Variants in HDAC9 observed in about 807,000 individuals in gnomAD.
HDAC9 encodes histone deacetylase 9.
In HDAC9, 41 loss-of-function variants were observed where a neutral mutation model predicts 139.4. That is an observed-to-expected ratio of 0.29 (90% CI 0.23 to 0.38). The LOEUF (loss-of-function observed/expected upper bound fraction) is 0.38, where lower values mean the gene tolerates loss of function less well. Among genes scored for constraint, HDAC9 ranks in the 10% least tolerant of loss-of-function variants. HDAC9 has a pLI of 1.00. For missense variants in HDAC9, 1,147 were observed against 1,297.0 expected (o/e 0.88, Z 1.78); for synonymous variants, 517 against 476.2 (o/e 1.09, Z -1.12).
At chr7:18,447,433 C>A (rs962019719) in intron 1 of HDAC9, among the ~76,000 whole-genome samples, 9 of 151,950 alleles carry the variant, frequency 5.9e-5, no homozygotes, top group African/African-American at 2.2e-4. Flanking sequence ...AAACAGAAGA[C>A]CTTGAGATGT....
chr7:18,317,115 A>C (rs573142916), intron 1 of HDAC9, among the ~76,000 whole-genome samples: 20 of 144,912 alleles, frequency 1.4e-4, no homozygotes, highest in African/African-American at 5.1e-4. Context: ...ATAAATAAAT[A>C]AATAAATAAA....
At chr7:18,668,337 G>A (rs1270397547) in intron 12 of HDAC9, 2 of 945,912 alleles carry the variant, frequency 2.1e-6, no homozygotes, top group Non-Finnish European at 2.5e-6. Context: ...CAGTTGTTTT[G>A]CATTAAAAAT....
chr7:18,115,163 G>A (rs1021213638), intron 1 of HDAC9, among the ~76,000 whole-genome samples: 1 of 151,954 alleles, frequency 6.6e-6, no homozygotes, highest in Non-Finnish European at 1.5e-5. Context: ...CTTGGTGGCG[G>A]GCGCCTGTAG....
intron 24 of HDAC9, among the ~76,000 whole-genome samples, chr7:18,972,221 G>A (rs1452394219): frequency 6.6e-6 from 1 of 152,108 alleles, no homozygotes. Context: ...ATGAGAGCAG[G>A]AATAAAACTT....
intron 24 of HDAC9, among the ~76,000 whole-genome samples, chr7:18,966,826 C>T (rs541430133): frequency 6.5e-4 from 99 of 152,186 alleles, no homozygotes; most frequent in Non-Finnish European, 1.3e-3. Flanking sequence ...TTTACACTCT[C>T]AATACTTTTG....
intron 24 of HDAC9, among the ~76,000 whole-genome samples, chr7:18,971,367 A>G (rs1298442815): frequency 6.6e-6 from 1 of 152,216 alleles, no homozygotes; most frequent in Non-Finnish European, 1.5e-5. Context: ...GCCATAGGAG[A>G]GCAACCCAGT....
At chr7:18,118,641 C>G (rs139228468) in intron 1 of HDAC9, among the ~76,000 whole-genome samples, 152 of 152,266 alleles carry the variant, frequency 1.0e-3, no homozygotes, top group African/African-American at 3.3e-3. Flanking sequence ...GTACAGCAGA[C>G]TATCAGATGG....
chr7:18,298,400 A>G (rs1798292344), intron 1 of HDAC9, among the ~76,000 whole-genome samples: 1 of 151,932 alleles, frequency 6.6e-6, no homozygotes, highest in Admixed American at 6.6e-5. Flanking sequence ...CTCGTCATCT[A>G]GCATTAGGTA....
intron 17 of HDAC9, among the ~76,000 whole-genome samples, chr7:18,825,621 C>G (rs2129203108): frequency 6.6e-6 from 1 of 151,420 alleles, no homozygotes; most frequent in African/African-American, 2.4e-5. Flanking sequence ...ACCACCTTTT[C>G]AAGAATGTTG....
chr7:18,659,808 C>T (rs908385932), intron 11 of HDAC9, among the ~76,000 whole-genome samples: 4 of 152,132 alleles, frequency 2.6e-5, no homozygotes, highest in Admixed American at 2.6e-4. Context: ...CAGGCTTGCA[C>T]ATTTATCTGT....
At chr7:18,644,875 T>G (rs986029431) in intron 9 of HDAC9, 82 bp downstream of exon 9, 82 of 1,398,632 alleles carry the variant, frequency 5.9e-5, no homozygotes, top group Non-Finnish European at 6.9e-5. Context: ...TTTTATGTAT[T>G]TAGACTTTAG....
chr7:18,751,751 C>G (rs914867387), intron 14 of HDAC9, among the ~76,000 whole-genome samples: 3 of 152,050 alleles, frequency 2.0e-5, no homozygotes, highest in African/African-American at 4.8e-5. Flanking sequence ...AAATGTTACC[C>G]TTGTGTAGAG....
At chr7:18,865,895 T>C (rs1442431197) in intron 21 of HDAC9, among the ~76,000 whole-genome samples, 1 of 151,882 alleles carries the variant, frequency 6.6e-6, no homozygotes, top group Non-Finnish European at 1.5e-5. Flanking sequence ...AATTAGACTA[T>C]AGAGAAAAAA....
chr7:18,651,783 T>C (rs1420348199), intron 11 of HDAC9, among the ~76,000 whole-genome samples: 3 of 152,162 alleles, frequency 2.0e-5, no homozygotes, highest in African/African-American at 4.8e-5. Flanking sequence ...GGGATAGTTG[T>C]GTGTTCTAAG....
intron 1 of HDAC9, among the ~76,000 whole-genome samples, chr7:18,366,751 G>T (rs372741124): frequency 3.9e-5 from 6 of 152,062 alleles, no homozygotes; most frequent in African/African-American, 1.4e-4. Flanking sequence ...GTTTCTAAAA[G>T]AAATCCTCAT....
intron 1 of HDAC9, among the ~76,000 whole-genome samples, chr7:18,454,073 A>G (rs544495022): frequency 6.6e-6 from 1 of 152,196 alleles, no homozygotes; most frequent in Non-Finnish European, 1.5e-5. Context: ...ATTAATAATT[A>G]TAGAATTGCT....
chr7:18,584,216 C>T (rs1828743572), intron 2 of HDAC9, among the ~76,000 whole-genome samples: 1 of 145,616 alleles, frequency 6.9e-6, no homozygotes, highest in Admixed American at 7.1e-5. Flanking sequence ...TCTCGGCTCA[C>T]TGCAAGCTCC....
intron 12 of HDAC9, chr7:18,668,445 T>C: frequency 1.0e-6 from 1 of 956,492 alleles, no homozygotes; most frequent in African/African-American, 1.8e-5. Flanking sequence ...GGATAGTGCA[T>C]CTTTTAAAAT....
intron 13 of HDAC9, among the ~76,000 whole-genome samples, chr7:18,737,725 T>C: frequency 6.6e-6 from 1 of 152,194 alleles, no homozygotes; most frequent in East Asian, 1.9e-4. Flanking sequence ...CTGAGAAGAA[T>C]GTATATTCTG....
Sources: allele counts gnomAD v4.1 joint callset (sites outside exome capture counted in the v4.1 genomes callset), GRCh38; gene constraint gnomAD v4.1.1; transcripts MANE v1.5; gene names NCBI Gene and HGNC (gene_info 2026-07-23, HGNC 2026-07-21).